SYNDIG1L: variants seen among roughly 807,000 people sequenced by gnomAD.
The protein encoded by SYNDIG1L is synapse differentiation inducing 1 like.
In SYNDIG1L, 13 loss-of-function variants were observed where a neutral mutation model predicts 20.1. That is an observed-to-expected ratio of 0.65 (90% CI 0.42 to 1.03). SYNDIG1L has a LOEUF of 1.03. Ranked by LOEUF, SYNDIG1L falls within the 50% of genes least tolerant of loss-of-function variation. The pLI is 0.00. For missense variants in SYNDIG1L, 294 were observed against 305.1 expected (o/e 0.96, Z 0.27); for synonymous variants, 128 against 129.3 (o/e 0.99, Z 0.07).
chr14:74,414,081 C>A (rs2139623762), intron 1 of SYNDIG1L, among the ~76,000 whole-genome samples: 1 of 152,352 alleles, frequency 6.6e-6, no homozygotes, highest in East Asian at 1.9e-4. Flanking sequence ...TCCCTGTTCA[C>A]TGGAGTAAGG....
At chr14:74,476,149 T>G in the SYNDIG1L span, 1 of 446,340 alleles carries the variant, frequency 2.2e-6, no homozygotes. Context: ...TGTTGATCCA[T>G]TTGCAGTATC....
chr14:74,476,617 G>C, the SYNDIG1L span: 2 of 1,501,424 alleles, frequency 1.3e-6, no homozygotes, highest in Non-Finnish European at 1.8e-6. Context: ...AGAGGTCACT[G>C]TTCTTCTGCC....
At chr14:74,448,638 T>C in the SYNDIG1L span, among the ~76,000 whole-genome samples, 1 of 152,172 alleles carries the variant, frequency 6.6e-6, no homozygotes, top group Non-Finnish European at 1.5e-5. Flanking sequence ...GGGCCATAAA[T>C]CAATCTCCAT....
chr14:74,450,053 C>T, the SYNDIG1L span, among the ~76,000 whole-genome samples: 1 of 151,924 alleles, frequency 6.6e-6, no homozygotes, highest in African/African-American at 2.4e-5. Context: ...ATAAATTCTA[C>T]AAAATTACAA....
At chr14:74,410,542 G>A (rs2086122439) in intron 1 of SYNDIG1L, among the ~76,000 whole-genome samples, 1 of 152,108 alleles carries the variant, frequency 6.6e-6, no homozygotes, top group Non-Finnish European at 1.5e-5. Flanking sequence ...GCAGAGGGCT[G>A]GACCGACTGA....
the SYNDIG1L span, among the ~76,000 whole-genome samples, chr14:74,465,289 A>G: frequency 7.2e-5 from 11 of 152,056 alleles, no homozygotes; most frequent in Non-Finnish European, 1.3e-4. Context: ...CCTTTTTGAG[A>G]CCCACTTGAT....
chr14:74,409,682 G>A lies in SYNDIG1L; in HGVS notation c.63C>T (p.Gly21=), dbSNP rs1300926227. ...GTGGGGTCTCCGGGTAGGGATAGGGGCCATGGAGATGGGCAGGGCTCCTGG... is the reference window on the plus strand; with the variant it reads ...GTGGGGTCTCCGGGTAGGGATAGGGACCATGGAGATGGGCAGGGCTCCTGG... ...LLPRSPAHLH[G]PYPYPETPPS... The change falls in exon 2 of 4, where the codon GGC becomes GGT. Residue 21 remains glycine (G), a synonymous_variant. Transcript: ENST00000331628. 3 of 1,485,278 alleles carry A rather than the reference G, an allele frequency of 2.0e-6. No individual in the cohort carries two copies. Among genetic ancestry groups the A allele is most frequent in the Non-Finnish European group, 2.7e-6 (3 of 1,117,714 alleles). 92.0% of individuals were successfully genotyped at this position (1,485,278 alleles called of 1,614,324 possible). A position where few individuals can be genotyped will look rare whatever the true frequency, so the allele number is the denominator to read the frequency against.
intron 1 of SYNDIG1L, among the ~76,000 whole-genome samples, chr14:74,410,403 G>A (rs1383572030): frequency 1.3e-5 from 2 of 152,146 alleles, no homozygotes; most frequent in Non-Finnish European, 2.9e-5. Context: ...TGTGGTGCAG[G>A]GCACAGATGG....
chr14:74,439,430 C>T, the SYNDIG1L span, among the ~76,000 whole-genome samples: 4 of 152,288 alleles, frequency 2.6e-5, no homozygotes, highest in East Asian at 7.7e-4. Context: ...TTCTCTCTTG[C>T]CTGCACAGTC....
chr14:74,429,712 C>T (rs1389115880), upstream of SYNDIG1L, among the ~76,000 whole-genome samples: 2 of 152,226 alleles, frequency 1.3e-5, no homozygotes, highest in African/African-American at 4.8e-5. Flanking sequence ...TGCCCATCAG[C>T]CAAATCCTGC....
At chr14:74,461,243 C>T in the SYNDIG1L span, among the ~76,000 whole-genome samples, 10 of 152,242 alleles carry the variant, frequency 6.6e-5, no homozygotes, top group Middle Eastern at 3.4e-3. Context: ...CCACCGCGCC[C>T]GTCCATCACA....
chr14:74,422,458 C>A (rs892984734), intron 1 of SYNDIG1L, among the ~76,000 whole-genome samples: 2 of 151,378 alleles, frequency 1.3e-5, no homozygotes, highest in African/African-American at 4.9e-5. Context: ...GAAGGCTGTT[C>A]CTCCTGCTTC....
chr14:74,407,168 TTCTC>T lies in SYNDIG1L; in HGVS notation c.*363_*366del, dbSNP rs1334210109. On this transcript the variant is annotated 3_prime_UTR_variant, in exon 4 of 4. Transcript: ENST00000331628. ...TTTTCTCCCTGTAACCTCCTGCTCTTTCTCTGTGGGGAGGTTGGCAGGGTAGGTG... is the reference window on the plus strand; with the variant it reads ...TTTTCTCCCTGTAACCTCCTGCTCTTTGTGGGGAGGTTGGCAGGGTAGGTG... 1 of 284,588 alleles carries T rather than the reference TTCTC, an allele frequency of 3.5e-6. No individual in the cohort carries two copies. The highest frequency in any genetic ancestry group is 6.7e-6 in the Non-Finnish European group (1 of 149,852). The allele number at this position is 284,588 out of a possible 1,614,324, so 17.6% of individuals were successfully genotyped here. A position where few individuals can be genotyped will look rare whatever the true frequency, so the allele number is the denominator to read the frequency against.
the SYNDIG1L span, among the ~76,000 whole-genome samples, chr14:74,457,460 C>T: frequency 3.9e-5 from 6 of 152,058 alleles, no homozygotes; most frequent in African/African-American, 1.4e-4. Context: ...TTCTCTGGGC[C>T]TCCCGCACCC....
chr14:74,418,310 A>T (rs2086193707), intron 1 of SYNDIG1L, among the ~76,000 whole-genome samples: 1 of 152,158 alleles, frequency 6.6e-6, no homozygotes, highest in Non-Finnish European at 1.5e-5. Context: ...GAGGGGGGCG[A>T]GGTTGGCAGA....
At position 74,407,347 on chromosome 14, in the gene SYNDIG1L, G is replaced by C. The variant is rs1225593335; in HGVS notation, c.*188C>G. 12 of 821,390 alleles carry C rather than the reference G, an allele frequency of 1.5e-5. No individual in the cohort carries two copies. Among genetic ancestry groups the C allele is most frequent in the Non-Finnish European group, 1.9e-5 (10 of 536,354 alleles). 50.9% of individuals were successfully genotyped at this position (821,390 alleles called of 1,614,324 possible). A position where few individuals can be genotyped will look rare whatever the true frequency, so the allele number is the denominator to read the frequency against. ...GTGGCGCCCCGGGCCCTGCTCTGGGGCTGGGAGCAGCGGGCAAGCAGAAGT... is the reference window on the plus strand; with the variant it reads ...GTGGCGCCCCGGGCCCTGCTCTGGGCCTGGGAGCAGCGGGCAAGCAGAAGT... On this transcript the variant is annotated 3_prime_UTR_variant, in exon 4 of 4. Coordinates refer to ENST00000331628, the MANE Select transcript of SYNDIG1L (RefSeq NM_001105579.2).
the SYNDIG1L span, among the ~76,000 whole-genome samples, chr14:74,439,446 G>C: frequency 6.6e-6 from 1 of 152,180 alleles, no homozygotes; most frequent in Non-Finnish European, 1.5e-5. Flanking sequence ...CAGTCTCACT[G>C]TCATGAGTCT....
the SYNDIG1L span, among the ~76,000 whole-genome samples, chr14:74,440,383 A>G: frequency 6.6e-6 from 1 of 152,260 alleles, no homozygotes; most frequent in East Asian, 1.9e-4. Context: ...GCGTGGTTGC[A>G]GGGGCCTGTA....
chr14:74,450,186 A>C, the SYNDIG1L span, among the ~76,000 whole-genome samples: 1 of 152,172 alleles, frequency 6.6e-6, no homozygotes. Flanking sequence ...GATAACATGA[A>C]TATTCCTATA....
Sources: allele counts gnomAD v4.1 joint callset (sites outside exome capture counted in the v4.1 genomes callset), GRCh38; gene constraint gnomAD v4.1.1; transcripts MANE v1.5; gene names NCBI Gene and HGNC (gene_info 2026-07-23, HGNC 2026-07-21).